Variants in BRD4 observed in about 807,000 individuals in gnomAD.
The protein encoded by BRD4 is bromodomain containing 4.
A neutral mutation model predicts 142.1 loss-of-function variants in BRD4; 16 were observed. The observed-to-expected ratio is 0.11, with a 90% CI of 0.08 to 0.17. The LOEUF is 0.17. BRD4 is among the 10% of genes least tolerant of loss of function. The probability of loss-of-function intolerance (pLI) is 1.00; values close to 1 mark genes in which losing one functional copy is unlikely to be tolerated. For synonymous variants in BRD4, 833 were observed against 707.5 expected (o/e 1.18, Z -2.82); for missense variants, 1,424 against 1,810.9 (o/e 0.79, Z 3.88).
At chr19:15,299,101 TCCC>T (rs1345369326) in intron 1 of BRD4, among the ~76,000 whole-genome samples, 1 of 152,078 alleles carries the variant, frequency 6.6e-6, no homozygotes, top group Non-Finnish European at 1.5e-5. Flanking sequence ...TGGCTAGGTA[TCCC>T]CCATTTTGTA....
At chr19:15,252,514 A>C (rs960863550) in intron 11 of BRD4, among the ~76,000 whole-genome samples, 1 of 152,208 alleles carries the variant, frequency 6.6e-6, no homozygotes, top group African/African-American at 2.4e-5. Context: ...TGCTAATTGG[A>C]TCCAAGAATA....
At chr19:15,265,929 G>C (rs1371278948) in intron 4 of BRD4, among the ~76,000 whole-genome samples, 2 of 152,174 alleles carry the variant, frequency 1.3e-5, no homozygotes, top group Non-Finnish European at 2.9e-5. Flanking sequence ...TCAAGGAGCA[G>C]GAAGCACATG....
intron 1 of BRD4, among the ~76,000 whole-genome samples, chr19:15,284,002 T>C (rs1249553471): frequency 6.6e-6 from 1 of 152,122 alleles, no homozygotes; most frequent in Non-Finnish European, 1.5e-5. Flanking sequence ...AACAGACACA[T>C]GCATGAAAGG....
chr19:15,249,061 TGGGC>T, intron 11 of BRD4: 1 of 658,868 alleles, frequency 1.5e-6, no homozygotes, highest in Non-Finnish European at 2.6e-6. Context: ...CAGAGAGGCC[TGGGC>T]GGCTGGCCAG....
intron 1 of BRD4, among the ~76,000 whole-genome samples, chr19:15,275,132 T>C (rs1304363657): frequency 6.6e-6 from 1 of 152,220 alleles, no homozygotes; most frequent in Admixed American, 6.5e-5. Flanking sequence ...TTGCTGGGGT[T>C]ACAGGCGTGA....
chr19:15,265,434 G>T lies in BRD4; in HGVS notation c.769C>A (p.Pro257Thr), dbSNP rs1423365200. ...GGAGCTGGAGCGGGTGGGGGTTGTG[G>T]CTGGGGGGGCACTGGCGGGGGCGTC... ...LQTPPPVPPQ[P>T]QPPPAPAPQP... Residue 257 changes from proline to threonine, a missense_variant, in exon 5 of 20, where the codon CCA (proline) becomes ACA (threonine). Transcript: ENST00000679869. The T allele has an allele frequency of 1.3e-6, 2 of 1,569,160 alleles. No homozygotes were observed. Among genetic ancestry groups the T allele is most frequent in the Non-Finnish European group, 1.7e-6 (2 of 1,156,820 alleles).
At chr19:15,255,275 T>C (rs761734769) in intron 10 of BRD4, 22 bp downstream of exon 10, 30 of 1,598,992 alleles carry the variant, frequency 1.9e-5, no homozygotes, top group Non-Finnish European at 2.3e-5. Context: ...AGGAACCCCA[T>C]GCCCAGGGGG....
rs912153456 is a variant in BRD4, at chr19:15,265,458, T to G, written c.745A>C (p.Thr249Pro). ...MTVVPPQPLQ[T>P]PPPVPPQPQP... ...GGCTGGGGGGGCACTGGCGGGGGCG[T>G]CTGCAGTGGCTGGGGAGGCACCACT... The change falls in exon 5 of 20, where the codon ACG becomes CCG. Residue 249 changes from threonine (T) to proline (P), a missense_variant. Thr to Pro is a conservative substitution (Grantham distance 38, BLOSUM62 -1). Transcript: ENST00000679869. 2 of 1,582,252 alleles carry G rather than the reference T, an allele frequency of 1.3e-6. No homozygotes were observed. Among genetic ancestry groups the G allele is most frequent in the Non-Finnish European group, 1.7e-6 (2 of 1,162,928 alleles).
In BRD4 at chr19:15,237,882, G is replaced by A. The variant is rs202161903; in HGVS notation, c.*495C>T. ...GTCAGTGCCAGCGAGGGGGTGGGCCGGCCTCGCCCGCCTCCAGCCCACGCA... is the reference window on the plus strand; with the variant it reads ...GTCAGTGCCAGCGAGGGGGTGGGCCAGCCTCGCCCGCCTCCAGCCCACGCA... On this transcript the variant is annotated 3_prime_UTR_variant, in exon 20 of 20. Transcript: ENST00000679869. The A allele has an allele frequency of 1.0e-3, 242 of 237,456 alleles. No individual in the cohort carries two copies. The highest frequency in any genetic ancestry group is 4.7e-3 in the African/African-American group (214 of 45,460). 14.7% of individuals were successfully genotyped at this position (237,456 alleles called of 1,614,324 possible).
In BRD4 at chr19:15,324,456, C is replaced by T. The variant is rs141011791; in HGVS notation, c.-35+7834G>A. On this transcript the variant is annotated intron_variant, in intron 1 of 19. Transcript: ENST00000679869. ...TTCTTCTGGTCAAAAGGCCCAAAGTCGATCGGCAGTATGCCAGACTCCCAG... is the reference window on the plus strand; with the variant it reads ...TTCTTCTGGTCAAAAGGCCCAAAGTTGATCGGCAGTATGCCAGACTCCCAG... Among the ~76,000 whole-genome samples, 759 of 152,320 alleles carry T rather than the reference C, an allele frequency of 5.0e-3. 2 individuals carry two copies. The highest frequency in any genetic ancestry group is 7.6e-3 in the Non-Finnish European group (515 of 68,028).
intron 1 of BRD4, among the ~76,000 whole-genome samples, chr19:15,287,190 C>A (rs1257842478): frequency 6.6e-6 from 1 of 151,316 alleles, no homozygotes; most frequent in Non-Finnish European, 1.5e-5. Context: ...TGTTGAGTTT[C>A]CTGTATGCAA....
At chr19:15,328,311 A>C (rs974805549) in intron 1 of BRD4, among the ~76,000 whole-genome samples, 5 of 152,326 alleles carry the variant, frequency 3.3e-5, no homozygotes, top group African/African-American at 1.2e-4. Flanking sequence ...TTTATTGACA[A>C]CATGAGATTC....
rs183920032 is a variant in BRD4 at position 15,328,658 on chromosome 19, T to G, written c.-35+3632A>C. 7.1e-3 allele frequency among the ~76,000 whole-genome samples: 1,075 copies of G among 152,374 alleles called. 8 individuals are homozygous for G. The highest frequency in any genetic ancestry group is 0.013 in the Admixed American group (194 of 15,304). On this transcript the variant is annotated intron_variant, in intron 1 of 19. Transcript: ENST00000679869. ...GCATGCAAAATTCTTGCTCAATTAC[T>G]TCTCCCGTTTATTCATTGAGACTAT... is the stretch of plus-strand genomic sequence containing the variant.
chr19:15,267,326 T>C lies in BRD4; in HGVS notation c.559+90A>G, dbSNP rs1004290668. On this transcript the variant is annotated intron_variant, in intron 4 of 19. Transcript: ENST00000679869. ...ACGGCATGCAGTATATAATGTCACA[T>C]CCTCCTGCCACTCCCAGCCCCCCAC... 3 of 1,493,938 alleles carry C rather than the reference T, an allele frequency of 2.0e-6. No homozygotes were observed. The Admixed American group carries it at 5.6e-5, about 28-fold the overall frequency. The allele number at this position is 1,493,938 out of a possible 1,614,324, so 92.5% of individuals were successfully genotyped here. A position where few individuals can be genotyped will look rare whatever the true frequency, so the allele number is the denominator to read the frequency against.
In BRD4 at chr19:15,236,303, G is replaced by A. The variant is rs2047191546; in HGVS notation, c.*2074C>T. 1 of 152,222 alleles carries A rather than the reference G, an allele frequency of 6.6e-6. No homozygotes were observed. 9.4% of individuals were successfully genotyped at this position (152,222 alleles called of 1,614,324 possible). On this transcript the variant is annotated 3_prime_UTR_variant, in exon 20 of 20. Coordinates refer to ENST00000679869, the MANE Select transcript of BRD4 (RefSeq NM_001379291.1). ...GTGGCTGGGGCATGTACATACACAA[G>A]TGGACACACAGGCAGAGCAGCCACC...
At chr19:15,311,423 A>G (rs939803070) in intron 1 of BRD4, among the ~76,000 whole-genome samples, 2 of 152,212 alleles carry the variant, frequency 1.3e-5, no homozygotes, top group African/African-American at 4.8e-5. Context: ...GAATTCTGAC[A>G]TGCTACAACA....
At position 15,244,835 on chromosome 19, in the gene BRD4, C is replaced by T. The variant is rs1022202708; in HGVS notation, c.2159-73G>A. The T allele has an allele frequency of 2.3e-5, 37 of 1,608,658 alleles. No homozygotes were observed. The Admixed American group carries it at 2.9e-4, about 13-fold the overall frequency. ...TGAGCTGGCCTTGGATGAAGAAAGACGAGAAAACAGGGCACTTTCAGGAGA... is the reference window on the plus strand; with the variant it reads ...TGAGCTGGCCTTGGATGAAGAAAGATGAGAAAACAGGGCACTTTCAGGAGA... On this transcript the variant is annotated intron_variant, in intron 11 of 19. Coordinates refer to ENST00000679869, the MANE Select transcript of BRD4 (RefSeq NM_001379291.1).
intron 1 of BRD4, among the ~76,000 whole-genome samples, chr19:15,294,218 C>G (rs924109121): frequency 1.3e-5 from 2 of 152,228 alleles, no homozygotes; most frequent in African/African-American, 4.8e-5. Flanking sequence ...AACATAAACG[C>G]CAAGGCGAAA....
At chr19:15,283,358 G>T (rs537835553) in intron 1 of BRD4, among the ~76,000 whole-genome samples, 1 of 151,956 alleles carries the variant, frequency 6.6e-6, no homozygotes, top group Non-Finnish European at 1.5e-5. Context: ...ACATCACACC[G>T]GTCTTCTGAA....
Sources: allele counts gnomAD v4.1 joint callset (sites outside exome capture counted in the v4.1 genomes callset), GRCh38; gene constraint gnomAD v4.1.1; transcripts MANE v1.5; gene names NCBI Gene and HGNC (gene_info 2026-07-23, HGNC 2026-07-21).